Variants in MOB1B observed in about 807,000 individuals in gnomAD.
MOB1B encodes the protein MOB kinase activator 1B, also known as MOB1 Mps One Binder homolog B.
Under a neutral mutation model 24.4 loss-of-function variants are expected in MOB1B, and 19 were observed. The ratio of observed to expected loss-of-function variants is 0.78; its 90% CI spans 0.54 to 1.14. The LOEUF is 1.14. MOB1B is among the 50% of genes most tolerant of loss of function. The pLI, the probability that MOB1B is intolerant of heterozygous loss-of-function variation, is 0.00. For synonymous variants in MOB1B, 76 were observed against 82.1 expected (o/e 0.93, Z 0.40); for missense variants, 243 against 259.6 (o/e 0.94, Z 0.44).
intron 2 of MOB1B, among the ~76,000 whole-genome samples, chr4:70,968,452 C>T (rs1738624283): frequency 1.3e-5 from 2 of 152,146 alleles, no homozygotes; most frequent in South Asian, 4.1e-4. Context: ...GCTGGGATTA[C>T]AGGCATGCGC....
At chr4:70,959,938 C>T (rs1738233829) in intron 2 of MOB1B, among the ~76,000 whole-genome samples, 1 of 152,008 alleles carries the variant, frequency 6.6e-6, no homozygotes, top group Admixed American at 6.6e-5. Context: ...GCTGGAGTAC[C>T]AGTGACATGA....
chr4:70,948,228 A>G (rs942664245), intron 1 of MOB1B, among the ~76,000 whole-genome samples: 3 of 152,194 alleles, frequency 2.0e-5, no homozygotes, highest in African/African-American at 7.2e-5. Flanking sequence ...CTCTTTTGTC[A>G]GTATCAGTTG....
intron 1 of MOB1B, among the ~76,000 whole-genome samples, chr4:70,953,655 A>C: frequency 6.6e-6 from 1 of 152,200 alleles, no homozygotes; most frequent in East Asian, 1.9e-4. Flanking sequence ...TAAGAAGAAA[A>C]TTGCAGGCTG....
chr4:70,951,012 G>C (rs749314799), intron 1 of MOB1B, among the ~76,000 whole-genome samples: 1 of 152,052 alleles, frequency 6.6e-6, no homozygotes, highest in Non-Finnish European at 1.5e-5. Context: ...TGAAGAGATG[G>C]AGCTGTTGGC....
At chr4:70,923,575 G>T (rs985766598) in intron 1 of MOB1B, among the ~76,000 whole-genome samples, 1 of 152,134 alleles carries the variant, frequency 6.6e-6, no homozygotes, top group African/African-American at 2.4e-5. Context: ...GAAATTTGAT[G>T]ATAATAGTTT....
At chr4:70,939,476 A>C (rs1737239583) in intron 1 of MOB1B, among the ~76,000 whole-genome samples, 1 of 152,164 alleles carries the variant, frequency 6.6e-6, no homozygotes, top group African/African-American at 2.4e-5. Flanking sequence ...TGAGGTCAGG[A>C]GTTCAAGACC....
chr4:70,909,054 A>G (rs984063262), intron 1 of MOB1B, among the ~76,000 whole-genome samples: 2 of 151,874 alleles, frequency 1.3e-5, no homozygotes, highest in Admixed American at 1.3e-4. Flanking sequence ...CCATCTCAAA[A>G]AAAAAAAAAA....
At chr4:70,958,574 GAGACTT>G (rs1738165985) in intron 1 of MOB1B, 1 of 400,194 alleles carries the variant, frequency 2.5e-6, no homozygotes, top group South Asian at 2.0e-5. Context: ...ATTAGAATGA[GAGACTT>G]AGAATAGGAG....
At chr4:70,980,908 G>T (rs1162701958) in intron 5 of MOB1B, among the ~76,000 whole-genome samples, 2 of 152,152 alleles carry the variant, frequency 1.3e-5, no homozygotes, top group Non-Finnish European at 2.9e-5. Flanking sequence ...CTCTTGAGGT[G>T]CAGGGTGGAT....
intron 1 of MOB1B, among the ~76,000 whole-genome samples, chr4:70,913,827 AAATTGTTAC>A (rs979480621): frequency 5.0e-4 from 76 of 152,176 alleles, no homozygotes; most frequent in African/African-American, 1.8e-3. Context: ...TTTCTTGTCT[AAATTGTTAC>A]TATGATGATT....
intron 1 of MOB1B, among the ~76,000 whole-genome samples, chr4:70,933,542 C>CTTTTTTTTT (rs34950388): frequency 2.2e-5 from 2 of 91,616 alleles, no homozygotes; most frequent in East Asian, 2.8e-4. Flanking sequence ...AAAAATAACT[C>CTTTTTTTTT]TTTTTTTTTT....
chr4:70,943,584 A>T (rs1165631944), intron 1 of MOB1B, among the ~76,000 whole-genome samples: 2 of 152,242 alleles, frequency 1.3e-5, no homozygotes, highest in Admixed American at 1.3e-4. Flanking sequence ...CATTTACTGC[A>T]TTAGAAGGTA....
At chr4:70,935,945 G>A (rs914463121) in intron 1 of MOB1B, among the ~76,000 whole-genome samples, 3 of 142,126 alleles carry the variant, frequency 2.1e-5, no homozygotes, top group South Asian at 4.5e-4. Flanking sequence ...TCCGCCTCCC[G>A]GGTTCACGCC....
At chr4:70,929,429 T>A (rs997161652) in intron 1 of MOB1B, among the ~76,000 whole-genome samples, 2 of 152,148 alleles carry the variant, frequency 1.3e-5, no homozygotes, top group African/African-American at 4.8e-5. Context: ...TCTGCCCACC[T>A]TGGCCTCCCG....
At chr4:70,965,470 A>G (rs1271090625) in intron 2 of MOB1B, among the ~76,000 whole-genome samples, 1 of 151,202 alleles carries the variant, frequency 6.6e-6, no homozygotes, top group Non-Finnish European at 1.5e-5. Flanking sequence ...GGGATAAAAA[A>G]GTAAATACAT....
At chr4:70,931,396 A>G (rs1366342282) in intron 1 of MOB1B, among the ~76,000 whole-genome samples, 3 of 152,200 alleles carry the variant, frequency 2.0e-5, no homozygotes, top group African/African-American at 7.2e-5. Context: ...GGGCAAAATC[A>G]TCGTACTTTT....
At chr4:70,942,523 T>A (rs1346151935) in intron 1 of MOB1B, among the ~76,000 whole-genome samples, 1 of 152,174 alleles carries the variant, frequency 6.6e-6, no homozygotes, top group African/African-American at 2.4e-5. Context: ...TTTATAAATA[T>A]GATTAAAGCT....
At chr4:70,930,286 CAT>C (rs1736839074) in intron 1 of MOB1B, among the ~76,000 whole-genome samples, 1 of 151,976 alleles carries the variant, frequency 6.6e-6, no homozygotes, top group Non-Finnish European at 1.5e-5. Flanking sequence ...AGGCAGATGG[CAT>C]ATGTGGAGCT....
At chr4:70,923,252 T>G (rs985861608) in intron 1 of MOB1B, among the ~76,000 whole-genome samples, 1 of 152,132 alleles carries the variant, frequency 6.6e-6, no homozygotes, top group South Asian at 2.1e-4. Flanking sequence ...CCTCAGAACC[T>G]CTGCAAGAGC....
Sources: allele counts gnomAD v4.1 joint callset (sites outside exome capture counted in the v4.1 genomes callset), GRCh38; gene constraint gnomAD v4.1.1; transcripts MANE v1.5; gene names NCBI Gene and HGNC (gene_info 2026-07-23, HGNC 2026-07-21).